HIPK3: variants seen among roughly 807,000 people sequenced by gnomAD.
The protein encoded by HIPK3 is homeodomain interacting protein kinase 3.
In HIPK3, 47 loss-of-function variants were observed where a neutral mutation model predicts 124.2. The ratio of observed to expected loss-of-function variants is 0.38; its 90% confidence interval spans 0.30 to 0.48. The LOEUF (loss-of-function observed/expected upper bound fraction) is 0.48, where lower values mean the gene tolerates loss of function less well. Ranked by LOEUF, HIPK3 falls within the 20% of genes least tolerant of loss-of-function variation. The pLI, the probability that HIPK3 is intolerant of heterozygous loss-of-function variation, is 0.98. For synonymous variants in HIPK3, 482 were observed against 515.2 expected, an observed-to-expected ratio of 0.94 and a Z score of 0.87; for missense variants, 1,286 against 1,454.3, an observed-to-expected ratio of 0.88 and a Z score of 1.88.
At chr11:33,257,327 A>C (rs1565047425), upstream of HIPK3, 3 of 983,430 alleles carry the variant, frequency 3.1e-6, no homozygotes, top group South Asian at 9.4e-5. Context: ...GGCGCTGCGG[A>C]GGCGGTGGCC....
At chr11:33,306,259 A>G (rs960898891) in intron 2 of HIPK3, among the ~76,000 whole-genome samples, 4 of 152,208 alleles carry the variant, frequency 2.6e-5, no homozygotes, top group Non-Finnish European at 4.4e-5. Flanking sequence ...CTTCTAATCT[A>G]AGGAAAGCAT....
intron 2 of HIPK3, among the ~76,000 whole-genome samples, chr11:33,315,807 C>T (rs1852485294): frequency 6.6e-6 from 1 of 152,188 alleles, no homozygotes; most frequent in African/African-American, 2.4e-5. Context: ...GTCTTCTATC[C>T]TCCATCTCTT....
intron 1 of HIPK3, among the ~76,000 whole-genome samples, chr11:33,258,903 T>C (rs1253220272): frequency 6.6e-6 from 1 of 152,082 alleles, no homozygotes; most frequent in Non-Finnish European, 1.5e-5. Context: ...ATAAGGGGCT[T>C]CTATTAGCAA....
At chr11:33,288,522 A>G (rs556760286) in intron 2 of HIPK3, among the ~76,000 whole-genome samples, 1 of 152,310 alleles carries the variant, frequency 6.6e-6, no homozygotes, top group South Asian at 2.1e-4. Context: ...ACCTGATCAT[A>G]ACCAGTTTTA....
intron 5 of HIPK3, 103 bp from the exon 6 acceptor site, chr11:33,339,244 TCTC>T (rs1338663948): frequency 1.3e-6 from 1 of 744,618 alleles, no homozygotes; most frequent in African/African-American, 1.7e-5. Context: ...TGTAGTTCCC[TCTC>T]CTCTCCTGTG....
In HIPK3 at chr11:33,351,597, T is replaced by G. The variant is rs768777477; in HGVS notation, c.2808-11T>G. On this transcript the variant is annotated splice_polypyrimidine_tract_variant and intron_variant, in intron 14 of 16. Coordinates refer to ENST00000303296, the MANE Select transcript of HIPK3 (RefSeq NM_005734.5). ...AAAATATCACTCATAAAAAATGCTTTCTTTTTGTAGTATGTCAGATGAAGA... is the reference window on the plus strand; with the variant it reads ...AAAATATCACTCATAAAAAATGCTTGCTTTTTGTAGTATGTCAGATGAAGA... 1.2e-6 allele frequency: 2 copies of G among 1,601,698 alleles called. No homozygotes were observed. The highest frequency in any genetic ancestry group is 1.7e-6 in the Non-Finnish European group (2 of 1,170,160).
chr11:33,296,286 C>A (rs1396532114), intron 2 of HIPK3, among the ~76,000 whole-genome samples: 2 of 152,170 alleles, frequency 1.3e-5, no homozygotes, highest in Non-Finnish European at 2.9e-5. Context: ...TTCTGACTTA[C>A]CTTGTGCTTT....
intron 5 of HIPK3, among the ~76,000 whole-genome samples, chr11:33,339,055 GT>G (rs1292985198): frequency 1.3e-5 from 2 of 152,104 alleles, no homozygotes; most frequent in African/African-American, 4.8e-5. Context: ...TCGTTCTTTA[GT>G]AAAAAAGTTT....
At chr11:33,332,460 A>G (rs1853014161) in intron 3 of HIPK3, among the ~76,000 whole-genome samples, 1 of 152,176 alleles carries the variant, frequency 6.6e-6, no homozygotes, top group African/African-American at 2.4e-5. Flanking sequence ...ATTAAGGACT[A>G]TTTTATGGAT....
intron 1 of HIPK3, among the ~76,000 whole-genome samples, chr11:33,266,492 G>A (rs909963958): frequency 1.3e-5 from 2 of 152,124 alleles, no homozygotes; most frequent in African/African-American, 4.8e-5. Context: ...GAGGCCAGGA[G>A]TCTGAGACCA....
intron 1 of HIPK3, among the ~76,000 whole-genome samples, chr11:33,267,023 G>A (rs1406023621): frequency 6.6e-6 from 1 of 152,012 alleles, no homozygotes; most frequent in East Asian, 1.9e-4. Flanking sequence ...GCCCTTTCTA[G>A]CCATATTTCC....
intron 2 of HIPK3, 70 bp downstream of exon 2, chr11:33,287,581 G>A: frequency 1.3e-6 from 2 of 1,503,556 alleles, no homozygotes; most frequent in Non-Finnish European, 1.8e-6. Context: ...ATACTTTTGT[G>A]TGTGTTTGTG....
intron 2 of HIPK3, among the ~76,000 whole-genome samples, chr11:33,312,441 G>C (rs1438693223): frequency 6.6e-6 from 1 of 152,100 alleles, no homozygotes. Context: ...TCAAAAACCT[G>C]AGAATTTCAT....
intron 2 of HIPK3, among the ~76,000 whole-genome samples, chr11:33,295,981 T>G (rs1348048267): frequency 6.6e-6 from 1 of 152,234 alleles, no homozygotes; most frequent in East Asian, 1.9e-4. Context: ...TTAGCATTGT[T>G]GATGAGTTTG....
chr11:33,285,993 T>C (rs753076772), intron 1 of HIPK3, among the ~76,000 whole-genome samples: 13 of 152,174 alleles, frequency 8.5e-5, no homozygotes, highest in African/African-American at 3.1e-4. Context: ...CAGGCTGGTC[T>C]TGGACTCCTG....
At chr11:33,285,257 T>C (rs1851516391) in intron 1 of HIPK3, among the ~76,000 whole-genome samples, 1 of 152,216 alleles carries the variant, frequency 6.6e-6, no homozygotes, top group African/African-American at 2.4e-5. Context: ...CTTAGAATGA[T>C]TTTAAATCTG....
chr11:33,353,257 G>A lies in HIPK3; in HGVS notation c.3337G>A (p.Gly1113Arg), dbSNP rs1419823989. The A allele has an allele frequency of 3.7e-6, 6 of 1,614,052 alleles. No homozygotes were observed. The highest frequency in any genetic ancestry group is 2.2e-5 in the South Asian group (2 of 91,074). The change falls in exon 17 of 17, where the codon GGA (glycine) becomes AGA (arginine). Residue 1113 changes from glycine (G) to arginine (R), a missense_variant. Gly to Arg is a moderately radical substitution (Grantham distance 125). Transcript: ENST00000303296. ...HAHLAGNTHL[G>R]GQPTLLPYPS... ...CCACCTGGCTGGAAATACACACCTCGGAGGACAGCCTACTCTACTTCCATA... is the reference window on the plus strand; with the variant it reads ...CCACCTGGCTGGAAATACACACCTCAGAGGACAGCCTACTCTACTTCCATA...
intron 1 of HIPK3, among the ~76,000 whole-genome samples, chr11:33,269,444 T>C (rs1048519217): frequency 6.6e-5 from 10 of 152,330 alleles, no homozygotes; most frequent in African/African-American, 2.4e-4. Flanking sequence ...ATCTGGAGCT[T>C]GTCCAAAAAC....
chr11:33,344,785 TTAG>T (rs1853444494), intron 8 of HIPK3, among the ~76,000 whole-genome samples: 1 of 152,216 alleles, frequency 6.6e-6, no homozygotes, highest in South Asian at 2.1e-4. Context: ...GTTTCTCTTC[TTAG>T]TAGAGTGTCT....
Sources: allele counts gnomAD v4.1 joint callset (sites outside exome capture counted in the v4.1 genomes callset), GRCh38; gene constraint gnomAD v4.1.1; transcripts MANE v1.5; gene names NCBI Gene and HGNC (gene_info 2026-07-23, HGNC 2026-07-21).